The following ZMYND19 variants were observed in gnomAD, a reference collection of about 807,000 sequenced individuals.
ZMYND19 encodes zinc finger MYND-type containing 19.
Under a neutral mutation model 32.0 loss-of-function variants are expected in ZMYND19, and 17 were observed. That is an observed-to-expected ratio of 0.53 (90% CI 0.36 to 0.80). The LOEUF is 0.80. Ranked by LOEUF, ZMYND19 falls within the 30% of genes least tolerant of loss-of-function variation. ZMYND19 has a pLI of 0.00. For synonymous variants in ZMYND19, 124 were observed against 113.6 expected, an observed-to-expected ratio of 1.09 and a Z score of -0.58; for missense variants, 250 against 293.6, an observed-to-expected ratio of 0.85 and a Z score of 1.09.
chr9:137,583,438 G>A (rs536624670), intron 4 of ZMYND19, among the ~76,000 whole-genome samples: 1 of 152,336 alleles, frequency 6.6e-6, no homozygotes, highest in South Asian at 2.1e-4. Context: ...ACAGGGCCCA[G>A]GTCAGGCCCC....
chr9:137,585,137 G>T (rs1842189986), intron 4 of ZMYND19, among the ~76,000 whole-genome samples: 1 of 152,022 alleles, frequency 6.6e-6, no homozygotes, highest in Non-Finnish European at 1.5e-5. Context: ...AGAGGCTGAA[G>T]CGGGGCCAGG....
At chr9:137,587,180 G>A (rs1842215432) in intron 3 of ZMYND19, 73 bp from the exon 4 acceptor site, 2 of 1,560,622 alleles carry the variant, frequency 1.3e-6, no homozygotes, top group South Asian at 1.2e-5. Context: ...TTTCTGGTCA[G>A]GTACCAAAGT....
At chr9:137,588,924 A>C in intron 1 of ZMYND19, 1 of 570,178 alleles carries the variant, frequency 1.8e-6, no homozygotes, top group Non-Finnish European at 3.1e-6. Context: ...ACACAGGCAG[A>C]CAGGTTAAAA....
At position 137,590,222 on chromosome 9, in the gene ZMYND19, C is replaced by T. The variant is rs987983571; in HGVS notation, c.42G>A (p.Val14=). The change falls in exon 1 of 6, where the codon GTG becomes GTA. Residue 14 remains valine, a synonymous_variant. Coordinates refer to ENST00000298585, the MANE Select transcript of ZMYND19 (RefSeq NM_138462.3). This position sits in a 1 kb window ranked among gnomAD's most constrained non-coding sequence, Gnocchi z 4.2. ...FKLGIVRLGR[V]AGKTKYTLID... ...GCTCCGCGCCGCTCACCTTCCCGGC[C>T]ACCCGGCCGAGCCGCACGATACCCA... 1.8e-6 allele frequency: 2 copies of T among 1,137,688 alleles called. No homozygotes were observed. The highest frequency in any genetic ancestry group is 1.9e-5 in the South Asian group (1 of 51,412). The allele number at this position is 1,137,688 out of a possible 1,614,324, so 70.5% of individuals were successfully genotyped here.
chr9:137,589,800 C>G (rs1842249793), intron 1 of ZMYND19: 1 of 985,352 alleles, frequency 1.0e-6, no homozygotes, highest in African/African-American at 1.7e-5. Context: ...GTGGCGCTGC[C>G]TCGGAAAGGG....
chr9:137,585,117 C>G (rs1023061053), intron 4 of ZMYND19, among the ~76,000 whole-genome samples: 2 of 152,038 alleles, frequency 1.3e-5, no homozygotes, highest in Non-Finnish European at 2.9e-5. Context: ...CCCGTAATCC[C>G]AGCTACTCAA....
In ZMYND19 at chr9:137,586,983, T is replaced by C. The variant is rs1472342188; in HGVS notation, c.343A>G (p.Thr115Ala). The C allele has an allele frequency of 6.2e-7, 1 of 1,612,028 alleles. No homozygotes were observed. Among genetic ancestry groups the C allele is most frequent in the Non-Finnish European group, 8.5e-7 (1 of 1,179,928 alleles). ...AAGACCCACCTCTGCTTGCTGGAGG[T>C]CTCTTCAGCCTTGGGCCGCCAGCCC... ...PWGWRPKAEE[T>A]SSKQREQSLY... The change falls in exon 4 of 6, where the codon ACC becomes GCC. Residue 115 changes from threonine (T) to alanine (A), a missense_variant. Thr to Ala is a moderately conservative substitution (Grantham distance 58). Around this residue, in one of 2 missense-constraint regions of ZMYND19, gnomAD observed 212 missense variants for 218.8 expected, o/e 0.97. Transcript: ENST00000298585.
At chr9:137,585,911 A>C (rs900714445) in intron 4 of ZMYND19, among the ~76,000 whole-genome samples, 12 of 152,270 alleles carry the variant, frequency 7.9e-5, no homozygotes, top group African/African-American at 2.9e-4. Context: ...GGCTGCCCAG[A>C]GGCTTGAGGA....
intron 3 of ZMYND19, 137 bp from the exon 4 acceptor site, chr9:137,587,244 G>C (rs1842216200): frequency 5.7e-6 from 8 of 1,403,156 alleles, no homozygotes; most frequent in Non-Finnish European, 7.6e-6. Context: ...TGGTCCTTTG[G>C]ATGAGGGTAC....
chr9:137,590,023 G>A lies in ZMYND19; in HGVS notation c.51+190C>T, dbSNP rs1588975808. On this transcript the variant is annotated intron_variant, in intron 1 of 5. Coordinates refer to ENST00000298585, the MANE Select transcript of ZMYND19 (RefSeq NM_138462.3). The surrounding 1 kb of genome is among the most constrained non-coding windows in gnomAD (Gnocchi z 4.2). Reference sequence around the variant, plus strand: ...CCCCAGAGCCGAGGGGTGCGTGCCCGCCGGCCTGCGAGAGGAAGCTGCACC... The same window carrying A: ...CCCCAGAGCCGAGGGGTGCGTGCCCACCGGCCTGCGAGAGGAAGCTGCACC... 3 of 984,912 alleles carry A rather than the reference G, an allele frequency of 3.0e-6. No individual in the cohort carries two copies. The highest frequency in any genetic ancestry group is 3.6e-6 in the Non-Finnish European group (3 of 829,710). The allele number at this position is 984,912 out of a possible 1,614,324, so 61.0% of individuals were successfully genotyped here. A position where few individuals can be genotyped will look rare whatever the true frequency, so the allele number is the denominator to read the frequency against.
intron 1 of ZMYND19, chr9:137,589,497 T>C: frequency 1.0e-6 from 1 of 985,470 alleles, no homozygotes; most frequent in Non-Finnish European, 1.2e-6. Flanking sequence ...GTAAGGACCC[T>C]GGCTGGTGCA....
chr9:137,582,932 G>A (rs370091845), intron 5 of ZMYND19, 51 bp downstream of exon 5: 16 of 1,598,836 alleles, frequency 1.0e-5, no homozygotes, highest in Non-Finnish European at 1.4e-5. Context: ...AACCAAGGCT[G>A]GGCTACAGGG....
chr9:137,584,429 C>A (rs1842181473), intron 4 of ZMYND19, among the ~76,000 whole-genome samples: 1 of 152,234 alleles, frequency 6.6e-6, no homozygotes, highest in African/African-American at 2.4e-5. Flanking sequence ...CGGCAGTTAT[C>A]TCCTCTCCTG....
chr9:137,582,972 A>G lies in ZMYND19; in HGVS notation c.540+11T>C, dbSNP rs2133295605. ...GGTGCCAGGGACGCGACCGCACTGC[A>G]GCACACCCACCTGCTTCTCAATCAC... On this transcript the variant is annotated intron_variant, in intron 5 of 5. Coordinates refer to ENST00000298585, the MANE Select transcript of ZMYND19 (RefSeq NM_138462.3). 6.2e-7 allele frequency: 1 copy of G among 1,613,806 alleles called. No homozygotes were observed. The highest frequency in any genetic ancestry group is 2.2e-5 in the East Asian group (1 of 44,886).
intron 1 of ZMYND19, chr9:137,589,962 C>T: frequency 2.0e-6 from 2 of 985,360 alleles, no homozygotes; most frequent in Non-Finnish European, 2.4e-6. Context: ...GTGGCCTCCA[C>T]CTCCGGCAGG....
chr9:137,586,552 T>C (rs1842207200), intron 4 of ZMYND19, among the ~76,000 whole-genome samples: 1 of 129,754 alleles, frequency 7.7e-6, no homozygotes, highest in African/African-American at 3.0e-5. Context: ...AATCCTGAGG[T>C]GAGAGAAGGA....
rs952188465 is a variant in ZMYND19 at position 137,582,702 on chromosome 9, C to T, written c.541-16G>A. On this transcript the variant is annotated splice_polypyrimidine_tract_variant and intron_variant, in intron 5 of 5. Transcript: ENST00000298585. ...ACTCCCGGAGCTGAAATACAGAACA[C>T]CTGTGGCTTCACCATCATGCCTGGG... is the stretch of plus-strand genomic sequence containing the variant. 12 of 1,610,132 alleles carry T rather than the reference C, an allele frequency of 7.5e-6. No homozygotes were observed. The highest frequency in any genetic ancestry group is 1.3e-5 in the African/African-American group (1 of 74,916).
Position 137,583,068 on chromosome 9 carries a change from G to A in ZMYND19, c.455C>T (p.Ala152Val). Reference protein sequence around the residue: ...PVLNVTRYYNANGDVVEEEEN... With the variant: ...PVLNVTRYYNVNGDVVEEEEN... The stretch of plus-strand genomic sequence containing the variant: ...CTCCTCTTCCACTACATCCCCGTTG[G>A]CATTATAATACCGGGTCACATTTAG... The change falls in exon 5 of 6, where the codon GCC (alanine) becomes GTC (valine). Residue 152 changes from alanine (A) to valine (V), a missense_variant. This residue lies in a region of ZMYND19 where 212 missense variants were observed against 218.8 expected (regional missense o/e 0.97). Coordinates refer to ENST00000298585, the MANE Select transcript of ZMYND19 (RefSeq NM_138462.3). The A allele has an allele frequency of 6.2e-7, 1 of 1,614,190 alleles. No homozygotes were observed. The highest frequency in any genetic ancestry group is 1.1e-5 in the South Asian group (1 of 91,082).
chr9:137,583,662 G>A (rs1588972367), intron 4 of ZMYND19, among the ~76,000 whole-genome samples: 1 of 109,972 alleles, frequency 9.1e-6, no homozygotes, highest in Admixed American at 9.8e-5. Flanking sequence ...GCAAGCGTGG[G>A]CAGCCCCAGC....
Sources: allele counts gnomAD v4.1 joint callset (sites outside exome capture counted in the v4.1 genomes callset), GRCh38; gene constraint gnomAD v4.1.1; regional missense constraint gnomAD v4.1.1; non-coding constraint Gnocchi (gnomAD v3.1); transcripts MANE v1.5; gene names NCBI Gene and HGNC (gene_info 2026-07-23, HGNC 2026-07-21).